SYNDIG1: variants seen among roughly 807,000 people sequenced by gnomAD.
SYNDIG1 encodes synapse differentiation inducing 1, also known as synapse differentiation-inducing gene protein 1.
Under a neutral mutation model 19.4 loss-of-function variants are expected in SYNDIG1, and 9 were observed. That is an observed-to-expected ratio of 0.46 (90% CI 0.28 to 0.81). The LOEUF is 0.81. SYNDIG1 is among the 30% of genes least tolerant of loss of function. SYNDIG1 has a pLI of 0.12. For synonymous variants in SYNDIG1, 141 were observed against 145.9 expected (o/e 0.97, Z 0.24); for missense variants, 311 against 343.3 (o/e 0.91, Z 0.74).
Position 24,584,877 on chromosome 20 carries a change from G to T in SYNDIG1, c.502G>T (p.Glu168Ter). The T allele has an allele frequency of 6.2e-7, 1 of 1,614,164 alleles. No individual in the cohort carries two copies. Residue 168 changes from glutamate to a stop codon, truncating the protein, a stop_gained, in exon 3 of 4, where the codon GAG becomes TAG. Transcript: ENST00000376862. LOFTEE classifies it high-confidence loss of function. Reference sequence around the variant, plus strand: ...GCAGAGCGACTACTCAAGCGACACAGAGAGTGAGGACAATTTCCTCATGAT... The same window carrying T: ...GCAGAGCGACTACTCAAGCGACACATAGAGTGAGGACAATTTCCTCATGAT... The part of the protein sequence containing the change: ...ELESDYSSDT[E>*]SEDNFLMMPP...
At position 24,635,429 on chromosome 20, in the gene SYNDIG1, C is replaced by T. The variant is rs375900277; in HGVS notation, c.619-29917C>T. 1.6e-4 allele frequency among the ~76,000 whole-genome samples: 25 copies of T among 152,258 alleles called. No homozygotes were observed. In the East Asian group the frequency reaches 3.1e-3, roughly 19 times the overall value. ...TTCCTGGTCATCTTGCATAATTTCCCGCCCGTGATTCTAAAGAAGAGAACC... is the reference window on the plus strand; with the variant it reads ...TTCCTGGTCATCTTGCATAATTTCCTGCCCGTGATTCTAAAGAAGAGAACC... On this transcript the variant is annotated intron_variant, in intron 3 of 3. Transcript: ENST00000376862.
intron 3 of SYNDIG1, among the ~76,000 whole-genome samples, chr20:24,616,072 A>G (rs1303215654): frequency 2.0e-5 from 3 of 152,144 alleles, no homozygotes; most frequent in African/African-American, 7.2e-5. Context: ...TGGTATTTTA[A>G]AATATTGTTT....
intron 3 of SYNDIG1, among the ~76,000 whole-genome samples, chr20:24,622,239 T>C (rs914047450): frequency 5.3e-5 from 8 of 152,228 alleles, no homozygotes; most frequent in African/African-American, 1.7e-4. Flanking sequence ...AATTTTTTAT[T>C]GGGCTCATAT....
intron 1 of SYNDIG1, among the ~76,000 whole-genome samples, chr20:24,529,983 G>A (rs375085114): frequency 1.1e-3 from 159 of 146,572 alleles, no homozygotes; most frequent in Admixed American, 1.4e-3. Context: ...GGTGATGGTG[G>A]TGGTGATGGT....
intron 2 of SYNDIG1, among the ~76,000 whole-genome samples, chr20:24,576,970 C>T (rs1055977785): frequency 6.6e-6 from 1 of 152,050 alleles, no homozygotes. Flanking sequence ...GGGGTTTTGT[C>T]AGTTTGTTGT....
chr20:24,539,763 T>TTTTG (rs140828302), intron 1 of SYNDIG1, among the ~76,000 whole-genome samples: 38 of 150,382 alleles, frequency 2.5e-4, no homozygotes, highest in Admixed American at 4.0e-4. Context: ...TTCAGCAGTG[T>TTTTG]TTTGTTTGTT....
At chr20:24,471,015 G>C (rs1159937514) in intron 1 of SYNDIG1, among the ~76,000 whole-genome samples, 5 of 152,102 alleles carry the variant, frequency 3.3e-5, no homozygotes, top group African/African-American at 1.2e-4. Flanking sequence ...TTTCTGGTTG[G>C]AATCAGTTGG....
intron 1 of SYNDIG1, among the ~76,000 whole-genome samples, chr20:24,489,133 T>C (rs547728772): frequency 6.6e-6 from 1 of 152,332 alleles, no homozygotes; most frequent in South Asian, 2.1e-4. Context: ...CCTTCCCATC[T>C]GTACGCATGC....
chr20:24,622,868 G>A (rs866716846), intron 3 of SYNDIG1, among the ~76,000 whole-genome samples: 11 of 149,108 alleles, frequency 7.4e-5, no homozygotes, highest in Middle Eastern at 6.8e-3. Context: ...ACATCAAGCA[G>A]AATTAGAACA....
intron 2 of SYNDIG1, among the ~76,000 whole-genome samples, chr20:24,572,440 G>A (rs1296161125): frequency 6.6e-6 from 1 of 152,228 alleles, no homozygotes; most frequent in East Asian, 1.9e-4. Context: ...TTGTTGCAGA[G>A]ATGAGAGATG....
chr20:24,483,765 G>C (rs2055868569), intron 1 of SYNDIG1, among the ~76,000 whole-genome samples: 1 of 152,210 alleles, frequency 6.6e-6, no homozygotes, highest in South Asian at 2.1e-4. Context: ...AGACCCCAGA[G>C]ACAGAGATGA....
At chr20:24,552,633 A>G (rs2057727289) in intron 2 of SYNDIG1, among the ~76,000 whole-genome samples, 1 of 152,172 alleles carries the variant, frequency 6.6e-6, no homozygotes, top group South Asian at 2.1e-4. Flanking sequence ...TACAAAGGAC[A>G]TGAACTCATC....
chr20:24,552,901 G>A lies in SYNDIG1; in HGVS notation c.480+9324G>A, dbSNP rs142820916. On this transcript the variant is annotated intron_variant, in intron 2 of 3. Transcript: ENST00000376862. ...AATCGCCACACTGAAATCCACAATG[G>A]TTGAACTAGTTTACAGTCCCACCAA... Among the ~76,000 whole-genome samples the A allele has an allele frequency of 8.5e-3, 1,294 of 152,278 alleles. 17 individuals carry two copies. Among genetic ancestry groups the A allele is most frequent in the African/African-American group, 0.03 (1,235 of 41,546 alleles).
rs573209558 is a variant in SYNDIG1, at chr20:24,594,662, G to A, written c.618+9669G>A. The stretch of plus-strand genomic sequence containing the variant: ...ATCGATTCTTCCTATCCATGAGCAG[G>A]AAATATTTTTTCGGTTGATTGTGTC... On this transcript the variant is annotated intron_variant, in intron 3 of 3. Transcript: ENST00000376862. Among the ~76,000 whole-genome samples the A allele has an allele frequency of 2.8e-3, 422 of 152,252 alleles. 1 individual carries two copies. The highest frequency in any genetic ancestry group is 4.5e-3 in the Non-Finnish European group (309 of 67,998).
At chr20:24,487,889 A>G (rs1226898834) in intron 1 of SYNDIG1, among the ~76,000 whole-genome samples, 1 of 152,158 alleles carries the variant, frequency 6.6e-6, no homozygotes, top group Non-Finnish European at 1.5e-5. Context: ...CGATGGACCC[A>G]TTCTGAGGTG....
At chr20:24,514,486 TA>T (rs1405443755) in intron 1 of SYNDIG1, among the ~76,000 whole-genome samples, 1 of 152,110 alleles carries the variant, frequency 6.6e-6, no homozygotes, top group African/African-American at 2.4e-5. Flanking sequence ...TAGTCTCTGA[TA>T]AAACAGACTT....
intron 1 of SYNDIG1, among the ~76,000 whole-genome samples, chr20:24,473,700 T>C (rs1271673757): frequency 6.6e-6 from 1 of 152,166 alleles, no homozygotes; most frequent in Non-Finnish European, 1.5e-5. Context: ...CCGAGTGCCA[T>C]GAGCAGACAT....
At chr20:24,511,100 GACTT>G (rs923801506) in intron 1 of SYNDIG1, among the ~76,000 whole-genome samples, 1 of 152,192 alleles carries the variant, frequency 6.6e-6, no homozygotes, top group African/African-American at 2.4e-5. Flanking sequence ...TCTTAAAAGA[GACTT>G]ACTTTATCTA....
rs573638723 is a variant in SYNDIG1, at chr20:24,528,077, T to A, written c.-78-14943T>A. 5.9e-5 allele frequency among the ~76,000 whole-genome samples: 9 copies of A among 152,306 alleles called. No individual in the cohort carries two copies. The East Asian group carries it at 1.7e-3, about 29-fold the overall frequency. ...TGGAAGAGTGGTGATATTTGGAGAT[T>A]TTCCTTCGCAATCAGTAATGTCTCA... On this transcript the variant is annotated intron_variant, in intron 1 of 3. Coordinates refer to ENST00000376862, the MANE Select transcript of SYNDIG1 (RefSeq NM_024893.3).
Sources: allele counts gnomAD v4.1 joint callset (sites outside exome capture counted in the v4.1 genomes callset), GRCh38; gene constraint gnomAD v4.1.1; transcripts MANE v1.5; gene names NCBI Gene and HGNC (gene_info 2026-07-23, HGNC 2026-07-21).